The following TMEM38B variants were observed in gnomAD, a reference collection of about 807,000 sequenced individuals.
TMEM38B encodes transmembrane protein 38B.
Under a neutral mutation model 28.7 loss-of-function variants are expected in TMEM38B, and 24 were observed. That is an observed-to-expected ratio of 0.84 (90% confidence interval 0.61 to 1.18). The LOEUF is 1.18. TMEM38B is among the 50% of genes most tolerant of loss of function. TMEM38B has a pLI of 0.00. For synonymous variants in TMEM38B, 131 were observed against 127.7 expected (o/e 1.03, Z -0.17); for missense variants, 380 against 350.9 (o/e 1.08, Z -0.66).
At position 105,774,667 on chromosome 9, in the gene TMEM38B, A is replaced by T. The variant is rs1484805827; in HGVS notation, c.*587A>T. 1 of 151,932 alleles carries T rather than the reference A, an allele frequency of 6.6e-6. No individual in the cohort carries two copies. Among genetic ancestry groups the T allele is most frequent in the East Asian group, 1.9e-4 (1 of 5,196 alleles). The allele number at this position is 151,932 out of a possible 1,614,324, so 9.4% of individuals were successfully genotyped here. A position where few individuals can be genotyped will look rare whatever the true frequency, so the allele number is the denominator to read the frequency against. On this transcript the variant is annotated 3_prime_UTR_variant, in exon 6 of 6. Coordinates refer to ENST00000374692, the MANE Select transcript of TMEM38B (RefSeq NM_018112.3). ...ACCTACATCAAATGGAAAATATCTG[A>T]AATTTTTTTTCCATAGCAGGTATTT...
intron 5 of TMEM38B, among the ~76,000 whole-genome samples, chr9:105,765,284 A>G (rs1404360600): frequency 1.3e-5 from 2 of 152,236 alleles, no homozygotes; most frequent in Non-Finnish European, 2.9e-5. Flanking sequence ...TGACGAAATC[A>G]TTAGAAATGA....
At chr9:105,722,770 T>C in intron 4 of TMEM38B, 149 bp downstream of exon 4, 1 of 580,882 alleles carries the variant, frequency 1.7e-6, no homozygotes, top group South Asian at 2.8e-5. Flanking sequence ...AACTAGCAAA[T>C]TTTGTTCTTT....
chr9:105,711,564 C>T (rs554664964), intron 2 of TMEM38B, among the ~76,000 whole-genome samples: 64 of 150,280 alleles, frequency 4.3e-4, no homozygotes, highest in African/African-American at 1.5e-3. Context: ...TACAACTTTG[C>T]GCCTGGGACA....
At chr9:105,763,376 GT>G (rs1218818217) in intron 5 of TMEM38B, among the ~76,000 whole-genome samples, 2 of 152,114 alleles carry the variant, frequency 1.3e-5, no homozygotes, top group African/African-American at 4.8e-5. Context: ...TTCTTCTAGG[GT>G]TTTTATGCTT....
intron 5 of TMEM38B, among the ~76,000 whole-genome samples, chr9:105,768,346 G>A (rs1327826286): frequency 2.0e-5 from 3 of 151,894 alleles, no homozygotes; most frequent in Non-Finnish European, 4.4e-5. Context: ...TATTTTCAAG[G>A]ATTTTTTTCC....
chr9:105,738,355 G>T (rs1050693623), intron 4 of TMEM38B, among the ~76,000 whole-genome samples: 4 of 152,102 alleles, frequency 2.6e-5, no homozygotes, highest in African/African-American at 9.7e-5. Flanking sequence ...GGAAGTAGTG[G>T]TGGAGACAAG....
intron 5 of TMEM38B, chr9:105,758,192 C>A: frequency 3.1e-6 from 2 of 651,776 alleles, no homozygotes; most frequent in Non-Finnish European, 2.8e-6. Context: ...CCTCCCAGGC[C>A]TTATCTGGCC....
intron 5 of TMEM38B, among the ~76,000 whole-genome samples, chr9:105,755,530 G>A (rs1384765359): frequency 1.3e-5 from 2 of 152,194 alleles, no homozygotes; most frequent in Non-Finnish European, 1.5e-5. Context: ...TTTCAGAATT[G>A]TTTGACTATT....
chr9:105,758,830 A>G (rs1401022196), intron 5 of TMEM38B: 4 of 924,246 alleles, frequency 4.3e-6, no homozygotes, highest in African/African-American at 1.6e-5. Context: ...GAAATAATCA[A>G]TGAAGATCAA....
chr9:105,697,947 C>T (rs1405265288), intron 1 of TMEM38B, among the ~76,000 whole-genome samples: 1 of 151,856 alleles, frequency 6.6e-6, no homozygotes, highest in African/African-American at 2.4e-5. Flanking sequence ...TATAGATGTT[C>T]CTTTGCAAGT....
At position 105,694,670 on chromosome 9, in the gene TMEM38B, C is replaced by T. The variant is rs747975646; in HGVS notation, c.10C>T (p.Pro4Ser). The T allele has an allele frequency of 3.7e-6, 6 of 1,613,606 alleles. No individual in the cohort carries two copies. Among genetic ancestry groups the T allele is most frequent in the South Asian group, 2.2e-5 (2 of 91,076 alleles). The change falls in exon 1 of 6, where the codon CCA becomes TCA. Residue 4 changes from proline to serine, a missense_variant. Transcript: ENST00000374692. Reference protein sequence around the residue: MDSPWDELALAFSR... With the variant: MDSSWDELALAFSR... ...GCGGTCGGTGGTCGTTATGGATTCTCCATGGGACGAGTTGGCTCTGGCCTT... is the reference window on the plus strand; with the variant it reads ...GCGGTCGGTGGTCGTTATGGATTCTTCATGGGACGAGTTGGCTCTGGCCTT...
At chr9:105,694,820 G>GT in intron 1 of TMEM38B, 48 bp downstream of exon 1, 1 of 1,099,720 alleles carries the variant, frequency 9.1e-7, no homozygotes, top group Non-Finnish European at 1.3e-6. Context: ...GCTCCTGACG[G>GT]CGAGGACCGT....
At chr9:105,726,592 A>G (rs1390447618) in intron 4 of TMEM38B, among the ~76,000 whole-genome samples, 1 of 152,078 alleles carries the variant, frequency 6.6e-6, no homozygotes, top group Non-Finnish European at 1.5e-5. Context: ...TATTTCCTGA[A>G]GGATCTGACT....
At chr9:105,757,073 C>T (rs1205391366) in intron 5 of TMEM38B, among the ~76,000 whole-genome samples, 4 of 152,122 alleles carry the variant, frequency 2.6e-5, no homozygotes, top group African/African-American at 9.7e-5. Context: ...ACCCTTCCCC[C>T]CAAGTCCTCA....
In TMEM38B at chr9:105,735,846, A is replaced by G. The variant is rs77736102; in HGVS notation, c.543-12227A>G. ...CAGTATCTCAACCAAGACTTGGGAA[A>G]TTTTCAGCAATTTTCATTTATTAAA... On this transcript the variant is annotated intron_variant, in intron 4 of 5. Transcript: ENST00000374692. Among the ~76,000 whole-genome samples, 51 of 152,104 alleles carry G rather than the reference A, an allele frequency of 3.4e-4. 1 individual carries two copies. In the East Asian group the frequency reaches 9.5e-3, roughly 28 times the overall value.
At chr9:105,741,322 T>C (rs1313503852) in intron 4 of TMEM38B, among the ~76,000 whole-genome samples, 4 of 152,170 alleles carry the variant, frequency 2.6e-5, no homozygotes, top group African/African-American at 9.7e-5. Flanking sequence ...AACAGATACC[T>C]GGGATTAGAT....
chr9:105,706,320 T>G (rs1484318604), intron 2 of TMEM38B, among the ~76,000 whole-genome samples: 2 of 152,256 alleles, frequency 1.3e-5, no homozygotes, highest in African/African-American at 4.8e-5. Context: ...TGAGACATAG[T>G]CTTGCTATGT....
At chr9:105,759,963 G>T in intron 5 of TMEM38B, 1 of 1,566,526 alleles carries the variant, frequency 6.4e-7, no homozygotes, top group Non-Finnish European at 8.8e-7. Flanking sequence ...AAACAGCTAT[G>T]CAAAGTGAAC....
In TMEM38B at chr9:105,771,185, G is replaced by C. The variant is rs562822782; in HGVS notation, c.661-2680G>C. On this transcript the variant is annotated intron_variant, in intron 5 of 5. Coordinates refer to ENST00000374692, the MANE Select transcript of TMEM38B (RefSeq NM_018112.3). Reference sequence around the variant, plus strand: ...TGAAGCCAAATACTATTTAATTTAGGTAATATACTTTTTCTTTTAATAGTT... The same window carrying C: ...TGAAGCCAAATACTATTTAATTTAGCTAATATACTTTTTCTTTTAATAGTT... Among the ~76,000 whole-genome samples the C allele has an allele frequency of 3.9e-5, 6 of 152,154 alleles. No homozygotes were observed. The South Asian group carries it at 1.2e-3, about 32-fold the overall frequency.
Sources: allele counts gnomAD v4.1 joint callset (sites outside exome capture counted in the v4.1 genomes callset), GRCh38; gene constraint gnomAD v4.1.1; transcripts MANE v1.5; gene names NCBI Gene and HGNC (gene_info 2026-07-23, HGNC 2026-07-21).